Variants in BCKDHB observed in about 807,000 individuals in gnomAD.
BCKDHB encodes the protein 2-oxoisovalerate dehydrogenase subunit beta, mitochondrial.
BCKDHB carries 41 observed loss-of-function variants against 48.5 expected under a neutral mutation model. The observed-to-expected ratio is 0.85, with a 90% CI of 0.66 to 1.10. The LOEUF (loss-of-function observed/expected upper bound fraction) is 1.10. Among genes scored for constraint, BCKDHB ranks in the 50% least tolerant of loss-of-function variants. The probability of loss-of-function intolerance (pLI) is 0.00; values close to 1 mark genes in which losing one functional copy is unlikely to be tolerated. For synonymous variants in BCKDHB, 201 were observed against 174.8 expected (o/e 1.15, Z -1.18); for missense variants, 496 against 494.2 (o/e 1.00, Z -0.03).
At chr6:80,349,027 C>G (rs915985830), downstream of BCKDHB, among the ~76,000 whole-genome samples, 5 of 152,088 alleles carry the variant, frequency 3.3e-5, no homozygotes, top group Non-Finnish European at 4.4e-5. Context: ...AAATAATTGT[C>G]TTAAATACAC....
chr6:80,359,151 T>C, the BCKDHB span, among the ~76,000 whole-genome samples: 3 of 152,198 alleles, frequency 2.0e-5, no homozygotes, highest in Non-Finnish European at 4.4e-5. Context: ...TCCTTGCGCA[T>C]CATTCTGCTC....
chr6:80,282,258 T>C (rs952757263), intron 9 of BCKDHB, among the ~76,000 whole-genome samples: 10 of 152,168 alleles, frequency 6.6e-5, no homozygotes, highest in Non-Finnish European at 1.3e-4. Flanking sequence ...TTGTTACTTA[T>C]AAGAGTGGGA....
intron 8 of BCKDHB, among the ~76,000 whole-genome samples, chr6:80,220,887 A>T (rs1169419815): frequency 6.6e-6 from 1 of 151,542 alleles, no homozygotes; most frequent in Non-Finnish European, 1.5e-5. Context: ...GGTGCCCACG[A>T]CCATGCCTGG....
intron 9 of BCKDHB, among the ~76,000 whole-genome samples, chr6:80,325,308 T>A (rs1170002243): frequency 6.6e-6 from 1 of 152,204 alleles, no homozygotes; most frequent in Non-Finnish European, 1.5e-5. Flanking sequence ...ATCTAGGACT[T>A]CTATAATTAC....
chr6:80,208,079 G>T (rs551876593), intron 8 of BCKDHB, among the ~76,000 whole-genome samples: 5 of 151,590 alleles, frequency 3.3e-5, no homozygotes, highest in African/African-American at 1.2e-4. Context: ...CAAATGCTGG[G>T]GCATAAATAT....
chr6:80,199,584 C>G (rs1376440856), intron 6 of BCKDHB, among the ~76,000 whole-genome samples: 1 of 151,612 alleles, frequency 6.6e-6, no homozygotes, highest in Non-Finnish European at 1.5e-5. Context: ...CAAGATCAGC[C>G]TGGACAACAT....
Position 80,167,671 on chromosome 6 carries a change from T to C in BCKDHB, c.344-7T>C, listed in dbSNP as rs1562102564. The C allele has an allele frequency of 6.2e-7, 1 of 1,604,500 alleles. No homozygotes were observed. The highest frequency in any genetic ancestry group is 8.5e-7 in the Non-Finnish European group (1 of 1,171,426). ...CACATTAACCTTTTTTTCTTTTCTATTTTAAGGAAAAGATAGAGTTTTTAA... is the reference window on the plus strand; with the variant it reads ...CACATTAACCTTTTTTTCTTTTCTACTTTAAGGAAAAGATAGAGTTTTTAA... On this transcript the variant is annotated splice_region_variant and splice_polypyrimidine_tract_variant and intron_variant, in intron 3 of 9. Coordinates refer to ENST00000320393, the MANE Select transcript of BCKDHB (RefSeq NM_183050.4).
rs139924256 is a variant in BCKDHB at position 80,183,263 on chromosome 6, G to A, written c.742+11873G>A. On this transcript the variant is annotated intron_variant, in intron 6 of 9. Coordinates refer to ENST00000320393, the MANE Select transcript of BCKDHB (RefSeq NM_183050.4). Reference sequence around the variant, plus strand: ...GTTAATGAAAAACTATGGAAGGATAGGGAATCATTACCACAGGTACTGTGG... The same window carrying A: ...GTTAATGAAAAACTATGGAAGGATAAGGAATCATTACCACAGGTACTGTGG... 1.6e-3 allele frequency among the ~76,000 whole-genome samples: 243 copies of A among 152,198 alleles called. 1 individual carries two copies. The highest frequency in any genetic ancestry group is 5.6e-3 in the African/African-American group (234 of 41,550).
chr6:80,393,219 C>A, the BCKDHB span, among the ~76,000 whole-genome samples: 1 of 152,070 alleles, frequency 6.6e-6, no homozygotes, highest in Non-Finnish European at 1.5e-5. Flanking sequence ...CTAATTCATA[C>A]CCAAATTCTC....
chr6:80,202,995 T>C, intron 7 of BCKDHB, 107 bp from the exon 8 acceptor site: 1 of 810,236 alleles, frequency 1.2e-6, no homozygotes, highest in Non-Finnish European at 2.2e-6. Context: ...TGCAGATCAG[T>C]TCCTGAGACT....
intron 6 of BCKDHB, among the ~76,000 whole-genome samples, chr6:80,192,425 T>C (rs1233340856): frequency 6.6e-6 from 1 of 152,226 alleles, no homozygotes; most frequent in Non-Finnish European, 1.5e-5. Flanking sequence ...TCTATATGTG[T>C]AGCTCCTTGC....
At chr6:80,391,969 G>A in the BCKDHB span, among the ~76,000 whole-genome samples, 1 of 151,766 alleles carries the variant, frequency 6.6e-6, no homozygotes, top group Non-Finnish European at 1.5e-5. Flanking sequence ...TCACTTTCTG[G>A]AATACAGTTA....
intron 3 of BCKDHB, among the ~76,000 whole-genome samples, chr6:80,140,734 A>G (rs1332671632): frequency 5.3e-5 from 8 of 152,150 alleles, no homozygotes; most frequent in African/African-American, 1.2e-4. Context: ...TTTTGCATCA[A>G]TGTTCATCAA....
intron 9 of BCKDHB, among the ~76,000 whole-genome samples, chr6:80,317,027 A>G (rs188952670): frequency 6.6e-6 from 1 of 152,278 alleles, no homozygotes; most frequent in African/African-American, 2.4e-5. Flanking sequence ...GCTTGCTCTA[A>G]TTCTTTAAAA....
rs576437414 is a variant in BCKDHB at position 80,343,971 on chromosome 6, T to A, written c.*167T>A. On this transcript the variant is annotated 3_prime_UTR_variant, in exon 10 of 10. Coordinates refer to ENST00000320393, the MANE Select transcript of BCKDHB (RefSeq NM_183050.4). Reference sequence around the variant, plus strand: ...AAAATAATGTGCTTTAGAAAAAAAATTCAAATTTATAGTAGTATATTTACA... The same window carrying A: ...AAAATAATGTGCTTTAGAAAAAAAAATCAAATTTATAGTAGTATATTTACA... The A allele has an allele frequency of 8.5e-5, 70 of 824,594 alleles. 1 individual carries two copies. The Middle Eastern group carries it at 9.2e-4, about 11-fold the overall frequency. 51.1% of individuals were successfully genotyped at this position (824,594 alleles called of 1,614,324 possible).
intron 9 of BCKDHB, among the ~76,000 whole-genome samples, chr6:80,286,866 T>C (rs1377708818): frequency 2.0e-5 from 3 of 152,172 alleles, no homozygotes; most frequent in African/African-American, 7.2e-5. Context: ...TTATGACATA[T>C]ACAAGGCAAG....
chr6:80,141,197 CTTCT>C (rs1198515910), intron 3 of BCKDHB, among the ~76,000 whole-genome samples: 4 of 151,766 alleles, frequency 2.6e-5, no homozygotes, highest in Non-Finnish European at 5.9e-5. Context: ...TCTCTCTTTT[CTTCT>C]TTATTAGTCT....
chr6:80,132,965 T>G (rs1488446850), intron 3 of BCKDHB, among the ~76,000 whole-genome samples: 1 of 152,216 alleles, frequency 6.6e-6, no homozygotes, highest in African/African-American at 2.4e-5. Flanking sequence ...CTTAGGATTT[T>G]TAAAGGATAA....
intron 9 of BCKDHB, among the ~76,000 whole-genome samples, chr6:80,333,008 C>T (rs908203158): frequency 2.0e-5 from 3 of 152,142 alleles, no homozygotes; most frequent in Non-Finnish European, 4.4e-5. Flanking sequence ...TGACCGACCC[C>T]CTAGCTCCCC....
Sources: allele counts gnomAD v4.1 joint callset (sites outside exome capture counted in the v4.1 genomes callset), GRCh38; gene constraint gnomAD v4.1.1; transcripts MANE v1.5; gene names NCBI Gene and HGNC (gene_info 2026-07-23, HGNC 2026-07-21).